ST6GALNAC3: variants seen among roughly 807,000 people sequenced by gnomAD.
ST6GALNAC3 encodes ST6 N-acetylgalactosaminide alpha-2,6-sialyltransferase 3, also known as alpha-N-acetylgalactosaminide alpha-2,6-sialyltransferase 3.
In ST6GALNAC3, 25 loss-of-function variants were observed where a neutral mutation model predicts 32.7. The ratio of observed to expected loss-of-function variants is 0.76; its 90% CI spans 0.56 to 1.07. ST6GALNAC3 has a LOEUF of 1.07. Among genes scored for constraint, ST6GALNAC3 ranks in the 50% least tolerant of loss-of-function variants. The pLI, the probability that ST6GALNAC3 is intolerant of heterozygous loss-of-function variation, is 0.00. For missense variants in ST6GALNAC3, 355 were observed against 382.4 expected, an observed-to-expected ratio of 0.93 and a Z score of 0.60; for synonymous variants, 129 against 133.1, an observed-to-expected ratio of 0.97 and a Z score of 0.21.
chr1:76,556,545 G>A (rs1664936625), intron 3 of ST6GALNAC3, among the ~76,000 whole-genome samples: 2 of 151,934 alleles, frequency 1.3e-5, no homozygotes, highest in Admixed American at 1.3e-4. Flanking sequence ...GCCAACTCTT[G>A]TTATTATCTA....
At chr1:76,409,094 C>T (rs1283308328) in intron 2 of ST6GALNAC3, among the ~76,000 whole-genome samples, 2 of 152,122 alleles carry the variant, frequency 1.3e-5, no homozygotes, top group Admixed American at 6.6e-5. Flanking sequence ...CAATGCGTGA[C>T]CCCAAAGGGC....
At chr1:76,403,794 GA>G (rs1457984226) in intron 2 of ST6GALNAC3, among the ~76,000 whole-genome samples, 2 of 151,818 alleles carry the variant, frequency 1.3e-5, no homozygotes, top group Non-Finnish European at 2.9e-5. Context: ...CCTGAAAGGA[GA>G]AAAAAATAAT....
At chr1:76,480,482 T>C (rs933919448) in intron 3 of ST6GALNAC3, among the ~76,000 whole-genome samples, 1 of 152,148 alleles carries the variant, frequency 6.6e-6, no homozygotes, top group African/African-American at 2.4e-5. Context: ...AAAATGATGT[T>C]AGATAGATAA....
intron 3 of ST6GALNAC3, among the ~76,000 whole-genome samples, chr1:76,517,400 G>A (rs1662238798): frequency 1.3e-5 from 2 of 151,548 alleles, no homozygotes; most frequent in Admixed American, 1.3e-4. Context: ...ATATAGTCAA[G>A]CTGATTTTTA....
intron 1 of ST6GALNAC3, among the ~76,000 whole-genome samples, chr1:76,275,631 GT>G (rs1659092249): frequency 6.6e-6 from 1 of 151,952 alleles, no homozygotes; most frequent in South Asian, 2.1e-4. Context: ...CTTTTTTTCT[GT>G]TTGCCTTCCT....
At chr1:76,227,735 C>T (rs1406581365) in intron 1 of ST6GALNAC3, among the ~76,000 whole-genome samples, 1 of 152,178 alleles carries the variant, frequency 6.6e-6, no homozygotes, top group Admixed American at 6.5e-5. Flanking sequence ...TTCAAAACTT[C>T]CTCGTTGCTC....
chr1:76,519,214 GAC>G (rs999541274), intron 3 of ST6GALNAC3, among the ~76,000 whole-genome samples: 2 of 151,472 alleles, frequency 1.3e-5, no homozygotes, highest in African/African-American at 4.9e-5. Flanking sequence ...TTCTTCAAAA[GAC>G]TCCTATTAGA....
At chr1:76,397,789 ATTGTTTTGTT>A (rs1002139941) in intron 2 of ST6GALNAC3, among the ~76,000 whole-genome samples, 5 of 151,168 alleles carry the variant, frequency 3.3e-5, no homozygotes, top group Non-Finnish European at 5.9e-5. Context: ...TGTTTTTTGT[ATTGTTTTGTT>A]TTGTTTTGTT....
chr1:76,238,985 A>G (rs1570543276), intron 1 of ST6GALNAC3, among the ~76,000 whole-genome samples: 1 of 149,046 alleles, frequency 6.7e-6, no homozygotes, highest in African/African-American at 2.5e-5. Flanking sequence ...TAAAAGGATA[A>G]GGCCCAGTAA....
chr1:76,612,480 G>A (rs527748710), intron 3 of ST6GALNAC3, among the ~76,000 whole-genome samples: 1 of 152,266 alleles, frequency 6.6e-6, no homozygotes, highest in South Asian at 2.1e-4. Flanking sequence ...GGAGAATGAG[G>A]TGCCCCCATC....
At chr1:76,400,386 G>A (rs535699769) in intron 2 of ST6GALNAC3, among the ~76,000 whole-genome samples, 4 of 152,196 alleles carry the variant, frequency 2.6e-5, no homozygotes, top group African/African-American at 9.6e-5. Flanking sequence ...GTGAAGAATT[G>A]CAAAGAGTTG....
chr1:76,593,756 A>G (rs1647085912), intron 3 of ST6GALNAC3, among the ~76,000 whole-genome samples: 1 of 152,170 alleles, frequency 6.6e-6, no homozygotes, highest in South Asian at 2.1e-4. Flanking sequence ...AATCAAAGAT[A>G]AATGGGACCC....
At chr1:76,308,436 C>T (rs1014210238) in intron 1 of ST6GALNAC3, among the ~76,000 whole-genome samples, 5 of 152,000 alleles carry the variant, frequency 3.3e-5, no homozygotes, top group Non-Finnish European at 7.4e-5. Context: ...TTTGTTGAGC[C>T]GAGTGTCATA....
chr1:76,465,465 A>G (rs772500967), intron 3 of ST6GALNAC3, among the ~76,000 whole-genome samples: 1 of 152,186 alleles, frequency 6.6e-6, no homozygotes, highest in African/African-American at 2.4e-5. Flanking sequence ...ACTTCTCTGA[A>G]AAAGCTAAAG....
At chr1:76,286,382 C>T (rs975931473) in intron 1 of ST6GALNAC3, among the ~76,000 whole-genome samples, 4 of 152,138 alleles carry the variant, frequency 2.6e-5, no homozygotes, top group Non-Finnish European at 5.9e-5. Context: ...GCCAGTGGTC[C>T]AATTTTTTCT....
chr1:76,509,407 T>C lies in ST6GALNAC3; in HGVS notation c.623+96990T>C, dbSNP rs1232767039. ...TTGGGGTTTGGCTGATGCTACAGGA[T>C]TTTCTTGGTCAGAATCATAAAAAGA... On this transcript the variant is annotated intron_variant, in intron 3 of 4. Coordinates refer to ENST00000328299, the MANE Select transcript of ST6GALNAC3 (RefSeq NM_152996.4). The surrounding 1 kb of genome is among the most constrained non-coding windows in gnomAD (Gnocchi z 5.5). Among the ~76,000 whole-genome samples the C allele has an allele frequency of 6.6e-6, 1 of 152,156 alleles. No individual in the cohort carries two copies. The highest frequency in any genetic ancestry group is 1.5e-5 in the Non-Finnish European group (1 of 68,036).
intron 1 of ST6GALNAC3, among the ~76,000 whole-genome samples, chr1:76,293,872 G>A (rs1660236017): frequency 1.3e-5 from 2 of 152,132 alleles, no homozygotes; most frequent in South Asian, 4.2e-4. Context: ...GTATGTGTGT[G>A]AGGGAGGGGT....
chr1:76,349,602 C>T (rs937380511), intron 2 of ST6GALNAC3, among the ~76,000 whole-genome samples: 5 of 152,060 alleles, frequency 3.3e-5, no homozygotes, highest in African/African-American at 4.8e-5. Context: ...GAGGGAAATG[C>T]GCAGAAAACA....
At chr1:76,160,291 A>C (rs1308866979) in intron 1 of ST6GALNAC3, among the ~76,000 whole-genome samples, 2 of 152,294 alleles carry the variant, frequency 1.3e-5, no homozygotes, top group East Asian at 3.9e-4. Flanking sequence ...GAGCTCTCAG[A>C]GGATTTTAAG....
Sources: gnomAD v4.1 joint callset for allele counts (sites outside exome capture counted in the v4.1 genomes callset) on GRCh38, gnomAD v4.1.1 for gene constraint, Gnocchi (gnomAD v3.1) non-coding constraint, MANE v1.5 for transcripts, NCBI Gene and HGNC (gene_info 2026-07-23, HGNC 2026-07-21) for gene names.